Variants in FRMD4B observed in about 807,000 individuals in gnomAD.
FRMD4B encodes FERM domain-containing protein 4B.
A neutral mutation model predicts 141.5 loss-of-function variants in FRMD4B; 74 were observed. That is an observed-to-expected ratio of 0.52 (90% CI 0.43 to 0.63). The LOEUF is 0.63. Ranked by LOEUF, FRMD4B falls within the 30% of genes least tolerant of loss-of-function variation. The probability of loss-of-function intolerance (pLI) is 0.00; values close to 1 mark genes in which losing one functional copy is unlikely to be tolerated. For missense variants in FRMD4B, 1,366 were observed against 1,253.4 expected, an observed-to-expected ratio of 1.09 and a Z score of -1.36; for synonymous variants, 506 against 467.9, an observed-to-expected ratio of 1.08 and a Z score of -1.05.
At chr3:69,342,179 G>A (rs1702763323) in intron 1 of FRMD4B, among the ~76,000 whole-genome samples, 1 of 152,142 alleles carries the variant, frequency 6.6e-6, no homozygotes, top group Non-Finnish European at 1.5e-5. Flanking sequence ...GATTTGTATT[G>A]GGTCCATGTC....
chr3:69,266,967 A>G (rs965583282), intron 5 of FRMD4B, among the ~76,000 whole-genome samples: 5 of 152,250 alleles, frequency 3.3e-5, no homozygotes, highest in Non-Finnish European at 7.3e-5. Context: ...AGGCCATTTC[A>G]TCATCTATAG....
intron 2 of FRMD4B, among the ~76,000 whole-genome samples, chr3:69,414,563 C>G (rs3925059): frequency 0.3 from 46,267 of 152,182 alleles, 7,276 homozygotes; most frequent in East Asian, 0.44. Flanking sequence ...GATCCGCCTG[C>G]CTTGGCCTCC....
At chr3:69,359,380 C>T (rs570797351) in intron 1 of FRMD4B, among the ~76,000 whole-genome samples, 39 of 152,180 alleles carry the variant, frequency 2.6e-4, no homozygotes, top group Non-Finnish European at 4.1e-4. Flanking sequence ...AAGTTCTCAA[C>T]TAATATTTTG....
intron 1 of FRMD4B, among the ~76,000 whole-genome samples, chr3:69,526,560 T>A (rs1042564130): frequency 1.3e-5 from 2 of 152,264 alleles, no homozygotes; most frequent in Non-Finnish European, 2.9e-5. Flanking sequence ...TGACCCAGAT[T>A]TGAATTCCGG....
chr3:69,404,837 T>C (rs1704623659), intron 2 of FRMD4B, among the ~76,000 whole-genome samples: 2 of 152,194 alleles, frequency 1.3e-5, no homozygotes, highest in Admixed American at 1.3e-4. Context: ...GCAAGAGATC[T>C]TGTTATACTC....
At chr3:69,231,870 G>T (rs964640497) in intron 7 of FRMD4B, among the ~76,000 whole-genome samples, 2 of 152,174 alleles carry the variant, frequency 1.3e-5, no homozygotes, top group African/African-American at 4.8e-5. Context: ...AGGATCAAAC[G>T]GGATTTCACG....
intron 2 of FRMD4B, among the ~76,000 whole-genome samples, chr3:69,422,089 C>T (rs1704991194): frequency 6.6e-6 from 1 of 152,162 alleles, no homozygotes; most frequent in African/African-American, 2.4e-5. Context: ...GAAATCTAAA[C>T]TTATATTAAA....
At chr3:69,296,069 C>T (rs370894620) in intron 4 of FRMD4B, among the ~76,000 whole-genome samples, 42 of 152,278 alleles carry the variant, frequency 2.8e-4, no homozygotes, top group African/African-American at 7.7e-4. Context: ...CCCATCTTGG[C>T]CTCCCAAAGT....
intron 2 of FRMD4B, 143 bp from the exon 3 acceptor site, chr3:69,311,500 G>A: frequency 1.7e-6 from 1 of 584,604 alleles, no homozygotes; most frequent in East Asian, 2.8e-5. Context: ...GGATTAGGTT[G>A]ATGTACTATA....
chr3:69,380,192 G>A (rs959871491), intron 1 of FRMD4B, among the ~76,000 whole-genome samples: 2 of 152,136 alleles, frequency 1.3e-5, no homozygotes, highest in Non-Finnish European at 2.9e-5. Context: ...TTAACTGTGG[G>A]CTTAGCTAAA....
At chr3:69,540,855 T>C (rs921391696) in intron 1 of FRMD4B, among the ~76,000 whole-genome samples, 2 of 151,788 alleles carry the variant, frequency 1.3e-5, no homozygotes, top group African/African-American at 2.4e-5. Context: ...ACTTAACCTC[T>C]CTCAAGGGCT....
intron 15 of FRMD4B, 28 bp from the exon 16 acceptor site, chr3:69,195,169 GATA>G: frequency 1.2e-6 from 2 of 1,613,796 alleles, no homozygotes; most frequent in Non-Finnish European, 1.7e-6. Flanking sequence ...ATCAAGAGCA[GATA>G]ATTGACACTG....
intron 1 of FRMD4B, among the ~76,000 whole-genome samples, chr3:69,369,857 C>T (rs1018442894): frequency 2.0e-5 from 3 of 147,434 alleles, no homozygotes; most frequent in African/African-American, 7.7e-5. Context: ...GGTACTTTCT[C>T]CTGAGAAACA....
chr3:69,453,232 G>A (rs958198682), intron 1 of FRMD4B, among the ~76,000 whole-genome samples: 3 of 152,222 alleles, frequency 2.0e-5, no homozygotes, highest in East Asian at 3.8e-4. Context: ...CTGTATCTAT[G>A]TACAGTGCCT....
intron 2 of FRMD4B, among the ~76,000 whole-genome samples, chr3:69,395,005 G>A (rs571163048): frequency 3.3e-5 from 5 of 152,168 alleles, no homozygotes; most frequent in South Asian, 4.2e-4. Context: ...ATCACACACC[G>A]GGGCTTGTCG....
chr3:69,526,471 C>T (rs899129317), intron 1 of FRMD4B, among the ~76,000 whole-genome samples: 2 of 152,054 alleles, frequency 1.3e-5, no homozygotes, highest in African/African-American at 2.4e-5. Context: ...AATAAGACAC[C>T]GCTGTGGAGT....
chr3:69,187,636 C>T (rs1371228149), intron 19 of FRMD4B, 134 bp downstream of exon 19: 27 of 673,156 alleles, frequency 4.0e-5, no homozygotes, highest in South Asian at 1.0e-4. Context: ...GTTTCTATGC[C>T]CCAGTTTTAC....
At chr3:69,425,767 C>A (rs898510091) in intron 2 of FRMD4B, among the ~76,000 whole-genome samples, 1 of 151,924 alleles carries the variant, frequency 6.6e-6, no homozygotes, top group Non-Finnish European at 1.5e-5. Flanking sequence ...TTATTTTTAT[C>A]TTTTTTTTCA....
rs552736874 is a variant in FRMD4B, at chr3:69,253,755, G to C, written c.502-3656C>G. Among the ~76,000 whole-genome samples the C allele has an allele frequency of 8.5e-5, 13 of 152,264 alleles. No homozygotes were observed. In the South Asian group the frequency reaches 2.7e-3, roughly 32 times the overall value. On this transcript the variant is annotated intron_variant, in intron 5 of 22. Transcript: ENST00000398540. ...AGAAAATTACCCTTGCACCTCTCTA[G>C]TACTAATTGATTCAGGCAATAATCT... is the stretch of plus-strand genomic sequence containing the variant.
Sources: allele counts gnomAD v4.1 joint callset (sites outside exome capture counted in the v4.1 genomes callset), GRCh38; gene constraint gnomAD v4.1.1; transcripts MANE v1.5; gene names NCBI Gene and HGNC (gene_info 2026-07-23, HGNC 2026-07-21).